PALS1: variants seen among roughly 807,000 people sequenced by gnomAD.
The protein encoded by PALS1 is protein associated with LIN7 1, MAGUK p55 family member, also known as protein PALS1.
PALS1 carries 31 observed loss-of-function variants against 78.9 expected under a neutral mutation model. The ratio of observed to expected loss-of-function variants is 0.39; its 90% confidence interval spans 0.30 to 0.53. PALS1 has a LOEUF of 0.53. Among genes scored for constraint, PALS1 ranks in the 20% least tolerant of loss-of-function variants. The pLI is 0.67. For missense variants in PALS1, 704 were observed against 826.5 expected, an observed-to-expected ratio of 0.85 and a Z score of 1.82; for synonymous variants, 276 against 270.9, an observed-to-expected ratio of 1.02 and a Z score of -0.18.
intron 4 of PALS1, among the ~76,000 whole-genome samples, chr14:67,296,203 G>C (rs930073599): frequency 6.6e-6 from 1 of 152,192 alleles, no homozygotes; most frequent in Admixed American, 6.5e-5. Context: ...GCGTAAGAAA[G>C]AGGAAAAGGC....
chr14:67,310,113 T>A (rs1470310400), intron 8 of PALS1, among the ~76,000 whole-genome samples: 1 of 152,072 alleles, frequency 6.6e-6, no homozygotes, highest in Admixed American at 6.6e-5. Context: ...CATAGGAGAT[T>A]TTTCCTCATG....
intron 14 of PALS1, among the ~76,000 whole-genome samples, chr14:67,329,859 T>C (rs891943103): frequency 1.3e-5 from 2 of 150,060 alleles, no homozygotes; most frequent in Non-Finnish European, 3.0e-5. Flanking sequence ...AATAAATAAA[T>C]AAATAAATAA....
At chr14:67,324,317 T>C (rs540375002) in intron 14 of PALS1, among the ~76,000 whole-genome samples, 1 of 152,222 alleles carries the variant, frequency 6.6e-6, no homozygotes, top group African/African-American at 2.4e-5. Context: ...ACATTAATAA[T>C]TGACTGATAA....
At chr14:67,280,881 C>CTCCCTCCG (rs2084599217) in intron 3 of PALS1, among the ~76,000 whole-genome samples, 1 of 132,334 alleles carries the variant, frequency 7.6e-6, no homozygotes, top group Admixed American at 8.4e-5. Flanking sequence ...CCCTCCCTCC[C>CTCCCTCCG]TTTTCTTTCT....
At chr14:67,284,568 A>AAAAAAAAAAAAAAC (rs2084654714) in intron 3 of PALS1, among the ~76,000 whole-genome samples, 1 of 140,060 alleles carries the variant, frequency 7.1e-6, no homozygotes, top group African/African-American at 2.6e-5. Context: ...AAAAAAAAAA[A>AAAAAAAAAAAAAAC]AAAAAAAAAA....
At chr14:67,292,431 C>G in intron 3 of PALS1, 80 bp from the exon 4 acceptor site, 1 of 965,960 alleles carries the variant, frequency 1.0e-6, no homozygotes, top group Non-Finnish European at 1.6e-6. Context: ...GTTACTGGTT[C>G]AAAGAAATGT....
At chr14:67,322,218 T>C (rs2085272573) in intron 13 of PALS1, among the ~76,000 whole-genome samples, 1 of 152,076 alleles carries the variant, frequency 6.6e-6, no homozygotes, top group Non-Finnish European at 1.5e-5. Flanking sequence ...TGTGGTGGCA[T>C]GCACCTGTGG....
intron 3 of PALS1, among the ~76,000 whole-genome samples, chr14:67,287,033 C>T (rs889446539): frequency 3.3e-5 from 5 of 151,940 alleles, no homozygotes; most frequent in African/African-American, 1.2e-4. Context: ...GCTTGGGTGA[C>T]AGTGAAATCT....
chr14:67,291,638 A>G (rs565844030), intron 3 of PALS1, among the ~76,000 whole-genome samples: 2 of 152,280 alleles, frequency 1.3e-5, no homozygotes, highest in South Asian at 4.1e-4. Context: ...TGCTTGTGCT[A>G]TTTATGCACA....
At chr14:67,308,409 A>ATCCCAAAG (rs1483378269) in intron 8 of PALS1, among the ~76,000 whole-genome samples, 2 of 151,758 alleles carry the variant, frequency 1.3e-5, no homozygotes, top group Non-Finnish European at 2.9e-5. Context: ...CATTAAGCTA[A>ATCCCAAAG]TCCCAAAGTT....
chr14:67,309,957 A>G (rs568078696), intron 8 of PALS1, among the ~76,000 whole-genome samples: 1 of 152,104 alleles, frequency 6.6e-6, no homozygotes, highest in Admixed American at 6.5e-5. Context: ...CTCCACTACA[A>G]GTGATGCCAA....
intron 13 of PALS1, among the ~76,000 whole-genome samples, chr14:67,323,261 G>GTGTGTGTGTGTA (rs1429954753): frequency 0.017 from 2,067 of 124,056 alleles, 21 homozygotes; most frequent in Non-Finnish European, 0.027. Context: ...GTGTGTGTGT[G>GTGTGTGTGTGTA]TATATATATA....
intron 3 of PALS1, chr14:67,279,765 T>C (rs2084576468): frequency 7.3e-6 from 3 of 411,136 alleles, no homozygotes; most frequent in Admixed American, 8.3e-5. Flanking sequence ...CATGTTTTTT[T>C]AGATATTAAA....
chr14:67,289,954 A>G (rs972749997), intron 3 of PALS1, among the ~76,000 whole-genome samples: 7 of 152,006 alleles, frequency 4.6e-5, no homozygotes, highest in South Asian at 2.1e-4. Flanking sequence ...AAATATTTTT[A>G]GTAGAGACGG....
At chr14:67,295,520 GAAA>G (rs2084835678) in intron 4 of PALS1, among the ~76,000 whole-genome samples, 1 of 148,352 alleles carries the variant, frequency 6.7e-6, no homozygotes, top group Admixed American at 6.7e-5. Flanking sequence ...AAATTAATAA[GAAA>G]AAAAGACTAC....
At chr14:67,292,422 T>A (rs2084785494) in intron 3 of PALS1, 89 bp from the exon 4 acceptor site, 3 of 868,344 alleles carry the variant, frequency 3.5e-6, no homozygotes, top group Non-Finnish European at 5.4e-6. Context: ...ACTTAAATTG[T>A]TACTGGTTCA....
intron 9 of PALS1, among the ~76,000 whole-genome samples, chr14:67,315,075 CAG>C (rs1481521778): frequency 6.6e-6 from 1 of 151,932 alleles, no homozygotes; most frequent in African/African-American, 2.4e-5. Flanking sequence ...ACCAGTGTAA[CAG>C]AGCAGTCTCA....
intron 1 of PALS1, among the ~76,000 whole-genome samples, chr14:67,245,577 C>G (rs1015177088): frequency 6.6e-6 from 1 of 152,014 alleles, no homozygotes. Flanking sequence ...TCTCAGAACT[C>G]CTGGGCTCAA....
intron 3 of PALS1, chr14:67,279,857 A>G (rs2084577734): frequency 3.7e-6 from 1 of 273,064 alleles, no homozygotes; most frequent in African/African-American, 2.2e-5. Flanking sequence ...AAATACTAAA[A>G]AAGAATTTTC....
Sources: allele counts gnomAD v4.1 joint callset (sites outside exome capture counted in the v4.1 genomes callset), GRCh38; gene constraint gnomAD v4.1.1; transcripts MANE v1.5; gene names NCBI Gene and HGNC (gene_info 2026-07-23, HGNC 2026-07-21).